The following KALRN variants were observed in gnomAD, a reference collection of about 807,000 sequenced individuals.
KALRN encodes the protein kalirin.
Under a neutral mutation model 353.7 loss-of-function variants are expected in KALRN, and 70 were observed. That is an observed-to-expected ratio of 0.20 (90% CI 0.16 to 0.24). KALRN has a LOEUF of 0.24. KALRN is among the 10% of genes least tolerant of loss of function. The pLI, the probability that KALRN is intolerant of heterozygous loss-of-function variation, is 1.00. For synonymous variants in KALRN, 1,391 were observed against 1,434.8 expected (o/e 0.97, Z 0.69); for missense variants, 2,791 against 3,756.7 (o/e 0.74, Z 6.72).
intron 1 of KALRN, among the ~76,000 whole-genome samples, chr3:124,048,486 C>CT (rs778360297): frequency 1.6e-3 from 228 of 144,266 alleles, no homozygotes; most frequent in African/African-American, 2.0e-3. Context: ...AGCTTTACCT[C>CT]TTTTTTTTTT....
At chr3:124,154,037 G>T (rs1479642909) in intron 1 of KALRN, among the ~76,000 whole-genome samples, 1 of 152,120 alleles carries the variant, frequency 6.6e-6, no homozygotes, top group African/African-American at 2.4e-5. Flanking sequence ...CAGATGAGTA[G>T]GTTGCAAAAA....
intron 1 of KALRN, among the ~76,000 whole-genome samples, chr3:124,116,089 G>C (rs1007114342): frequency 6.6e-6 from 1 of 152,134 alleles, no homozygotes; most frequent in African/African-American, 2.4e-5. Context: ...TGGCTTAGTT[G>C]GCCTGGATGT....
At chr3:124,160,277 A>T (rs1232145839) in intron 1 of KALRN, among the ~76,000 whole-genome samples, 2 of 152,020 alleles carry the variant, frequency 1.3e-5, no homozygotes, top group Non-Finnish European at 2.9e-5. Flanking sequence ...GGGCAGCCTC[A>T]GGATGATGGG....
intron 5 of KALRN, among the ~76,000 whole-genome samples, chr3:124,296,970 C>T (rs998001762): frequency 8.5e-5 from 13 of 152,352 alleles, no homozygotes; most frequent in Middle Eastern, 3.4e-3. Flanking sequence ...TCACCTCTAT[C>T]TTATCAGTAG....
At chr3:124,407,082 C>T (rs931248478) in intron 13 of KALRN, among the ~76,000 whole-genome samples, 8 of 152,010 alleles carry the variant, frequency 5.3e-5, no homozygotes, top group Non-Finnish European at 7.4e-5. Context: ...GATCCACCTG[C>T]GAAAGTGTTG....
intron 9 of KALRN, among the ~76,000 whole-genome samples, chr3:124,343,127 T>C (rs1017476133): frequency 6.6e-6 from 1 of 152,192 alleles, no homozygotes; most frequent in Non-Finnish European, 1.5e-5. Context: ...ACTCTTGCCT[T>C]CTCCAGTTTA....
intron 33 of KALRN, among the ~76,000 whole-genome samples, chr3:124,541,997 A>T (rs992537978): frequency 1.3e-4 from 20 of 152,154 alleles, no homozygotes; most frequent in Non-Finnish European, 4.4e-5. Flanking sequence ...AAAAGCCCAG[A>T]TCTTCTTAGG....
chr3:124,055,087 G>C (rs1460146717), intron 1 of KALRN, among the ~76,000 whole-genome samples: 1 of 152,168 alleles, frequency 6.6e-6, no homozygotes, highest in South Asian at 2.1e-4. Context: ...AGTTACTTTT[G>C]GGGGAAGGGG....
intron 3 of KALRN, among the ~76,000 whole-genome samples, chr3:124,254,712 G>A (rs909251317): frequency 6.6e-6 from 1 of 152,124 alleles, no homozygotes; most frequent in Non-Finnish European, 1.5e-5. Flanking sequence ...ACCAAAAAAA[G>A]TTGCCCCAAA....
At chr3:124,224,810 A>C (rs2078298381) in intron 1 of KALRN, among the ~76,000 whole-genome samples, 1 of 152,202 alleles carries the variant, frequency 6.6e-6, no homozygotes, top group Non-Finnish European at 1.5e-5. Flanking sequence ...GAGGATCTTA[A>C]AGGCCAACAA....
At chr3:124,356,203 T>C (rs1442989456) in intron 10 of KALRN, among the ~76,000 whole-genome samples, 1 of 152,138 alleles carries the variant, frequency 6.6e-6, no homozygotes, top group Non-Finnish European at 1.5e-5. Flanking sequence ...TTGTTCTCTC[T>C]GGCCCACTGA....
At chr3:124,431,002 A>T (rs1201118812) in intron 16 of KALRN, among the ~76,000 whole-genome samples, 1 of 152,204 alleles carries the variant, frequency 6.6e-6, no homozygotes, top group Non-Finnish European at 1.5e-5. Context: ...CACACTTCAT[A>T]TGAGAATCTT....
At chr3:124,682,049 A>G (rs760719624) in intron 51 of KALRN, among the ~76,000 whole-genome samples, 2 of 152,246 alleles carry the variant, frequency 1.3e-5, no homozygotes, top group Non-Finnish European at 2.9e-5. Context: ...AGATGCAAAT[A>G]AATAAGATAT....
intron 3 of KALRN, among the ~76,000 whole-genome samples, chr3:124,244,968 C>G (rs1357884360): frequency 6.6e-6 from 1 of 152,086 alleles, no homozygotes; most frequent in Non-Finnish European, 1.5e-5. Flanking sequence ...TCCATCATCT[C>G]AGAAATTTAT....
intron 1 of KALRN, among the ~76,000 whole-genome samples, chr3:124,189,722 A>C (rs1452743744): frequency 6.6e-6 from 1 of 152,104 alleles, no homozygotes; most frequent in Non-Finnish European, 1.5e-5. Flanking sequence ...GGTGGATCAC[A>C]ATGTCAGGAG....
chr3:124,537,195 C>T (rs2068590548), intron 33 of KALRN, among the ~76,000 whole-genome samples: 1 of 152,170 alleles, frequency 6.6e-6, no homozygotes, highest in African/African-American at 2.4e-5. Flanking sequence ...GCAGGTGCCA[C>T]TACGCCCAGC....
At chr3:124,486,796 T>C (rs757769025) in intron 28 of KALRN, among the ~76,000 whole-genome samples, 3 of 152,220 alleles carry the variant, frequency 2.0e-5, no homozygotes, top group Non-Finnish European at 4.4e-5. Context: ...TTGTATCACT[T>C]GCCCTGAAGA....
intron 38 of KALRN, among the ~76,000 whole-genome samples, chr3:124,651,637 CTT>C (rs66520052): frequency 0.038 from 4,986 of 130,406 alleles, 429 homozygotes; most frequent in East Asian, 0.35. Flanking sequence ...TCTTTTCTAT[CTT>C]TTTTTTTTTT....
intron 34 of KALRN, among the ~76,000 whole-genome samples, chr3:124,585,864 C>T (rs1183376721): frequency 1.3e-5 from 2 of 152,222 alleles, no homozygotes; most frequent in South Asian, 2.1e-4. Flanking sequence ...TCTCCCATCC[C>T]ATCTGCTATG....
Sources: gnomAD v4.1 joint callset for allele counts (sites outside exome capture counted in the v4.1 genomes callset) on GRCh38, gnomAD v4.1.1 for gene constraint, MANE v1.5 for transcripts, NCBI Gene and HGNC (gene_info 2026-07-23, HGNC 2026-07-21) for gene names.